The following GSG1L variants were observed in gnomAD, a reference collection of about 807,000 sequenced individuals.
The protein encoded by GSG1L is germ cell-specific gene 1-like protein.
In GSG1L, 24 loss-of-function variants were observed where a neutral mutation model predicts 42.1. The ratio of observed to expected loss-of-function variants is 0.57; its 90% CI spans 0.41 to 0.80. The LOEUF is 0.80. Ranked by LOEUF, GSG1L falls within the 30% of genes least tolerant of loss-of-function variation. The pLI, the probability that GSG1L is intolerant of heterozygous loss-of-function variation, is 0.00. For synonymous variants in GSG1L, 215 were observed against 203.5 expected (o/e 1.06, Z -0.48); for missense variants, 445 against 472.2 (o/e 0.94, Z 0.53).
At chr16:27,892,280 C>T (rs1214929063) in intron 2 of GSG1L, among the ~76,000 whole-genome samples, 1 of 151,876 alleles carries the variant, frequency 6.6e-6, no homozygotes, top group Non-Finnish European at 1.5e-5. Flanking sequence ...TATAGGGAGA[C>T]CTCATCTCTA....
chr16:28,056,486 G>T (rs2086280868), intron 1 of GSG1L, among the ~76,000 whole-genome samples: 1 of 104,542 alleles, frequency 9.6e-6, no homozygotes, highest in Non-Finnish European at 1.8e-5. Context: ...GGGGGAGGGG[G>T]GAGGGATAGC....
intron 1 of GSG1L, among the ~76,000 whole-genome samples, chr16:28,004,804 A>AG (rs1297140625): frequency 6.6e-6 from 1 of 152,026 alleles, no homozygotes; most frequent in African/African-American, 2.4e-5. Flanking sequence ...TAAAAGATAG[A>AG]GAAAAAAAAA....
rs2082734970 is a variant in GSG1L, at chr16:27,790,038, T to TGAGTGGATGGATGGC, written c.*1317_*1331dup. ...GGATAGATGATGGATAGCTGATGAA[T>TGAGTGGATGGATGGC]GAGTGGATGGATGGCAAATGGATGG... On this transcript the variant is annotated 3_prime_UTR_variant, in exon 7 of 7. Coordinates refer to ENST00000447459, the MANE Select transcript of GSG1L (RefSeq NM_001109763.2). 6.7e-6 allele frequency: 1 copy of TGAGTGGATGGATGGC among 150,274 alleles called. No individual in the cohort carries two copies. Among genetic ancestry groups the TGAGTGGATGGATGGC allele is most frequent in the Non-Finnish European group, 1.5e-5 (1 of 67,080 alleles). 9.3% of individuals were successfully genotyped at this position (150,274 alleles called of 1,614,324 possible). A position where few individuals can be genotyped will look rare whatever the true frequency, so the allele number is the denominator to read the frequency against.
At chr16:27,926,011 G>C (rs1358071916) in intron 2 of GSG1L, among the ~76,000 whole-genome samples, 1 of 152,240 alleles carries the variant, frequency 6.6e-6, no homozygotes, top group Non-Finnish European at 1.5e-5. Context: ...GTAAAATTTG[G>C]GAAGCGTGCT....
In GSG1L at chr16:28,000,941, T is replaced by A. The variant is rs1348724688; in HGVS notation, c.350-37738A>T. Among the ~76,000 whole-genome samples, 3 of 152,294 alleles carry A rather than the reference T, an allele frequency of 2.0e-5. No individual in the cohort carries two copies. In the East Asian group the frequency reaches 5.8e-4, roughly 29 times the overall value. On this transcript the variant is annotated intron_variant, in intron 1 of 6. Coordinates refer to ENST00000447459, the MANE Select transcript of GSG1L (RefSeq NM_001109763.2). ...CACCATTCTCCTTGCCTGTTCCTCA[T>A]CTTCTAGCGTCAGCATCTCCACACT... is the stretch of plus-strand genomic sequence containing the variant.
intron 6 of GSG1L, among the ~76,000 whole-genome samples, chr16:27,805,958 C>T (rs2082956769): frequency 6.6e-6 from 1 of 151,994 alleles, no homozygotes; most frequent in African/African-American, 2.4e-5. Context: ...CCCAGGATTT[C>T]CCGCCTATTC....
intron 2 of GSG1L, among the ~76,000 whole-genome samples, chr16:27,939,262 C>T (rs904879839): frequency 1.3e-5 from 2 of 152,126 alleles, no homozygotes; most frequent in African/African-American, 4.8e-5. Flanking sequence ...GCTAGGACCA[C>T]AGGCACGCAC....
chr16:28,012,193 G>C (rs1406618486), intron 1 of GSG1L, among the ~76,000 whole-genome samples: 1 of 152,096 alleles, frequency 6.6e-6, no homozygotes, highest in African/African-American at 2.4e-5. Context: ...CTTCCTCCAG[G>C]CAGCCACCCC....
intron 2 of GSG1L, among the ~76,000 whole-genome samples, chr16:27,886,974 T>C (rs182082588): frequency 1.3e-3 from 193 of 152,072 alleles, no homozygotes; most frequent in African/African-American, 4.3e-3. Flanking sequence ...TTTTCTTTCT[T>C]AGACAGGGTC....
At chr16:28,060,304 AC>A in intron 1 of GSG1L, among the ~76,000 whole-genome samples, 1 of 152,088 alleles carries the variant, frequency 6.6e-6, no homozygotes, top group Non-Finnish European at 1.5e-5. Context: ...ACTTGCTATC[AC>A]CCTTTCAGGA....
intron 2 of GSG1L, among the ~76,000 whole-genome samples, chr16:27,961,456 G>A (rs1342607119): frequency 6.6e-6 from 1 of 152,124 alleles, no homozygotes; most frequent in Non-Finnish European, 1.5e-5. Context: ...TGAAGCGCAG[G>A]CCTGGATTTC....
chr16:27,810,983 C>T (rs898780979), intron 5 of GSG1L, among the ~76,000 whole-genome samples: 7 of 151,380 alleles, frequency 4.6e-5, no homozygotes, highest in Admixed American at 6.6e-5. Context: ...CCACCACGCC[C>T]GGCCCAAAAA....
At position 27,791,015 on chromosome 16, in the gene GSG1L, C is replaced by T. The variant is rs1015787330; in HGVS notation, c.*355G>A. On this transcript the variant is annotated 3_prime_UTR_variant, in exon 7 of 7. Coordinates refer to ENST00000447459, the MANE Select transcript of GSG1L (RefSeq NM_001109763.2). ...TCTCTGCCCCCCAAAGGGCTCTGCC[C>T]CTCTGGGCACCTGACTGGCTTGTGG... The T allele has an allele frequency of 1.2e-4, 25 of 204,518 alleles. No individual in the cohort carries two copies. The highest frequency in any genetic ancestry group is 3.0e-4 in the African/African-American group (13 of 43,552). 12.7% of individuals were successfully genotyped at this position (204,518 alleles called of 1,614,324 possible).
intron 6 of GSG1L, among the ~76,000 whole-genome samples, chr16:27,797,551 G>A (rs1255302042): frequency 3.4e-5 from 5 of 148,738 alleles, no homozygotes; most frequent in East Asian, 4.0e-4. Flanking sequence ...GGCCGGGCGC[G>A]GTGGCTCACG....
rs191995943 is a variant in GSG1L at position 27,955,728 on chromosome 16, G to A, written c.397+7428C>T. Among the ~76,000 whole-genome samples the A allele has an allele frequency of 1.6e-4, 25 of 152,188 alleles. No individual in the cohort carries two copies. The East Asian group carries it at 4.6e-3, about 28-fold the overall frequency. Reference sequence around the variant, plus strand: ...TTCCCCAAAATGAGGAAGTAATCCAGAAAGAAGACTACCTGGGATCCAGGA... The same window carrying A: ...TTCCCCAAAATGAGGAAGTAATCCAAAAAGAAGACTACCTGGGATCCAGGA... On this transcript the variant is annotated intron_variant, in intron 2 of 6. Transcript: ENST00000447459.
intron 3 of GSG1L, among the ~76,000 whole-genome samples, chr16:27,848,099 A>T (rs542574407): frequency 6.6e-6 from 1 of 152,330 alleles, no homozygotes; most frequent in East Asian, 1.9e-4. Context: ...TCAGTGGCTT[A>T]TATTTATAAA....
At chr16:27,978,872 C>T (rs6498053) in intron 1 of GSG1L, among the ~76,000 whole-genome samples, 67,080 of 151,614 alleles carry the variant, frequency 0.44, 15,247 homozygotes, top group South Asian at 0.6. Flanking sequence ...TAAATAAGGT[C>T]ATTGGCATAA....
intron 6 of GSG1L, among the ~76,000 whole-genome samples, chr16:27,804,160 C>T (rs2144422875): frequency 6.6e-6 from 1 of 152,148 alleles, no homozygotes; most frequent in East Asian, 1.9e-4. Flanking sequence ...GCCCCGGGCT[C>T]CCTGCTGCAG....
At chr16:27,978,233 C>A (rs2085272817) in intron 1 of GSG1L, among the ~76,000 whole-genome samples, 1 of 152,168 alleles carries the variant, frequency 6.6e-6, no homozygotes, top group Non-Finnish European at 1.5e-5. Flanking sequence ...TCCAGGAATT[C>A]CACCCCCAGA....
Sources: gnomAD v4.1 joint callset for allele counts (sites outside exome capture counted in the v4.1 genomes callset) on GRCh38, gnomAD v4.1.1 for gene constraint, MANE v1.5 for transcripts, NCBI Gene and HGNC (gene_info 2026-07-23, HGNC 2026-07-21) for gene names.